The following ROBO2 variants were observed in gnomAD, a reference collection of about 807,000 sequenced individuals.
The protein encoded by ROBO2 is roundabout homolog 2.
Under a neutral mutation model 160.8 loss-of-function variants are expected in ROBO2, and 53 were observed. That is an observed-to-expected ratio of 0.33 (90% CI 0.26 to 0.41). The LOEUF (loss-of-function observed/expected upper bound fraction) is 0.41. ROBO2 is among the 10% of genes least tolerant of loss of function. The probability of loss-of-function intolerance (pLI) is 1.00; values close to 1 mark genes in which losing one functional copy is unlikely to be tolerated. For synonymous variants in ROBO2, 664 were observed against 611.7 expected (o/e 1.09, Z -1.26); for missense variants, 1,577 against 1,722.4 (o/e 0.92, Z 1.49).
chr3:76,083,659 A>G lies in ROBO2; in HGVS notation c.109+146057A>G, dbSNP rs551906036. 1.1e-4 allele frequency among the ~76,000 whole-genome samples: 16 copies of G among 152,270 alleles called. No homozygotes were observed. The South Asian group carries it at 2.7e-3, about 26-fold the overall frequency. On this transcript the variant is annotated intron_variant, in intron 2 of 26. Transcript: ENST00000487694. Reference sequence around the variant, plus strand: ...TGTCTTTCACCAATTCCCTGATAGAACCAGCATCTGAAATGTTCCCTCCTG... The same window carrying G: ...TGTCTTTCACCAATTCCCTGATAGAGCCAGCATCTGAAATGTTCCCTCCTG...
Position 77,429,612 on chromosome 3 carries a change from G to GT in ROBO2, c.389-47786dup, listed in dbSNP as rs34071759. 1.7e-3 allele frequency among the ~76,000 whole-genome samples: 241 copies of GT among 145,274 alleles called. 1 individual carries two copies. The highest frequency in any genetic ancestry group is 3.9e-3 in the Admixed American group (57 of 14,508). On this transcript the variant is annotated intron_variant, in intron 2 of 25. Coordinates refer to ENST00000461745, the Ensembl canonical transcript of ROBO2. Reference sequence around the variant, plus strand: ...CAAAATTGCTCATGTAAAAAGCAGGGTTTTTTTTTTTTTTTTAAATGCACT... The same window carrying GT: ...CAAAATTGCTCATGTAAAAAGCAGGGTTTTTTTTTTTTTTTTTAAATGCACT...
intron 2 of ROBO2, among the ~76,000 whole-genome samples, chr3:77,217,084 T>C (rs973539564): frequency 6.6e-6 from 1 of 150,642 alleles, no homozygotes; most frequent in African/African-American, 2.5e-5. Flanking sequence ...GCCCTTAATC[T>C]TTCTTTCTTT....
At chr3:76,480,072 AAG>A (rs969305185) in intron 2 of ROBO2, among the ~76,000 whole-genome samples, 101 of 152,244 alleles carry the variant, frequency 6.6e-4, no homozygotes, top group Admixed American at 1.8e-3. Context: ...AAAAGAGGAA[AAG>A]AGGGGAAAGT....
chr3:76,938,119 C>G (rs972498924), intron 2 of ROBO2, among the ~76,000 whole-genome samples: 6 of 152,116 alleles, frequency 3.9e-5, no homozygotes, highest in Non-Finnish European at 8.8e-5. Flanking sequence ...GTTTCTTTGG[C>G]AGGCCGAGGC....
At chr3:76,234,554 C>T (rs1431421076) in intron 2 of ROBO2, among the ~76,000 whole-genome samples, 2 of 152,080 alleles carry the variant, frequency 1.3e-5, no homozygotes, top group African/African-American at 4.8e-5. Context: ...TGTTATTCCT[C>T]GATTTTTTAG....
intron 2 of ROBO2, among the ~76,000 whole-genome samples, chr3:76,092,422 A>G (rs1032523262): frequency 4.9e-4 from 75 of 152,272 alleles, no homozygotes; most frequent in African/African-American, 1.3e-3. Context: ...GGAGTCTGGT[A>G]TGTCATTTTC....
intron 2 of ROBO2, among the ~76,000 whole-genome samples, chr3:76,136,642 A>G (rs749912909): frequency 6.6e-6 from 1 of 152,104 alleles, no homozygotes; most frequent in Non-Finnish European, 1.5e-5. Flanking sequence ...CTTTGCATTT[A>G]TTTATAGCCT....
At chr3:76,563,463 T>A (rs1181383444) in intron 2 of ROBO2, among the ~76,000 whole-genome samples, 2 of 152,336 alleles carry the variant, frequency 1.3e-5, no homozygotes, top group Non-Finnish European at 2.9e-5. Context: ...AGCTTTTTTA[T>A]CATTATTATT....
intron 2 of ROBO2, among the ~76,000 whole-genome samples, chr3:76,702,326 A>T (rs552120926): frequency 1.6e-4 from 25 of 152,164 alleles, no homozygotes; most frequent in Admixed American, 3.3e-4. Flanking sequence ...TTTCTAACCT[A>T]TGTATCAAGA....
intron 2 of ROBO2, chr3:76,435,258 C>G: frequency 6.8e-7 from 1 of 1,479,482 alleles, no homozygotes; most frequent in Non-Finnish European, 9.4e-7. Context: ...CCATGCTTAC[C>G]TGAGCAAGAA....
At chr3:77,635,213 C>G (rs181312841) in intron 24 of ROBO2, among the ~76,000 whole-genome samples, 170 bp downstream of exon 25, 1 of 151,930 alleles carries the variant, frequency 6.6e-6, no homozygotes, top group East Asian at 1.9e-4. Context: ...TAAAAACAAT[C>G]TAGAATTATT....
chr3:76,272,978 T>TAAA (rs1559706790), intron 2 of ROBO2, among the ~76,000 whole-genome samples: 1 of 87,058 alleles, frequency 1.1e-5, no homozygotes, highest in Non-Finnish European at 2.1e-5. Flanking sequence ...ATAAAATATA[T>TAAA]ATAATATATA....
At chr3:76,840,714 A>G (rs940563050) in intron 2 of ROBO2, among the ~76,000 whole-genome samples, 11 of 149,208 alleles carry the variant, frequency 7.4e-5, no homozygotes, top group African/African-American at 2.7e-4. Flanking sequence ...GAATTTCTCA[A>G]TTGAAAGTAA....
chr3:77,094,536 G>A (rs79883551), intron 1 of ROBO2, among the ~76,000 whole-genome samples: 8,945 of 152,078 alleles, frequency 0.059, 356 homozygotes, highest in Non-Finnish European at 0.095. Flanking sequence ...TTCATTCTGG[G>A]GTGATATATA....
At chr3:77,300,962 G>T (rs1435705648) in intron 2 of ROBO2, among the ~76,000 whole-genome samples, 1 of 151,732 alleles carries the variant, frequency 6.6e-6, no homozygotes, top group Non-Finnish European at 1.5e-5. Context: ...TCCACCTCTT[G>T]GGTTCAAGCA....
intron 1 of ROBO2, among the ~76,000 whole-genome samples, chr3:77,084,215 A>T (rs1043458558): frequency 6.6e-6 from 1 of 152,124 alleles, no homozygotes; most frequent in Non-Finnish European, 1.5e-5. Flanking sequence ...TGAGCGCATC[A>T]CTAAAACACT....
intron 2 of ROBO2, among the ~76,000 whole-genome samples, chr3:77,244,587 T>A (rs887416859): frequency 2.0e-5 from 3 of 151,904 alleles, no homozygotes; most frequent in Non-Finnish European, 2.9e-5. Flanking sequence ...TTTTAGAAAA[T>A]CCCAACTTAA....
chr3:76,584,795 C>G (rs546259100), intron 2 of ROBO2, among the ~76,000 whole-genome samples: 57 of 152,286 alleles, frequency 3.7e-4, no homozygotes, highest in African/African-American at 1.3e-3. Flanking sequence ...ATAATATGCT[C>G]TGTGTATAGG....
intron 2 of ROBO2, among the ~76,000 whole-genome samples, chr3:76,368,235 C>T (rs567151452): frequency 6.1e-4 from 92 of 151,966 alleles, no homozygotes; most frequent in African/African-American, 1.9e-3. Flanking sequence ...TAATCTGAGT[C>T]ATGAGTGAAT....
Sources: allele counts gnomAD v4.1 joint callset (sites outside exome capture counted in the v4.1 genomes callset), GRCh38; gene constraint gnomAD v4.1.1; transcripts MANE v1.5; gene names NCBI Gene and HGNC (gene_info 2026-07-23, HGNC 2026-07-21).